Variants in DIP2C observed in about 807,000 individuals in gnomAD.
The protein encoded by DIP2C is disco-interacting protein 2 homolog C.
In DIP2C, 33 loss-of-function variants were observed where a neutral mutation model predicts 192.4. The observed-to-expected ratio is 0.17, with a 90% CI of 0.13 to 0.23. The LOEUF (loss-of-function observed/expected upper bound fraction) is 0.23, where lower values mean the gene tolerates loss of function less well. Among genes scored for constraint, DIP2C ranks in the 10% least tolerant of loss-of-function variants. The pLI, the probability that DIP2C is intolerant of heterozygous loss-of-function variation, is 1.00. For synonymous variants in DIP2C, 979 were observed against 864.1 expected, an observed-to-expected ratio of 1.13 and a Z score of -2.33; for missense variants, 1,537 against 2,110.1, an observed-to-expected ratio of 0.73 and a Z score of 5.32.
intron 5 of DIP2C, 58 bp downstream of exon 5, chr10:422,766 T>C: frequency 6.4e-7 from 1 of 1,552,562 alleles, no homozygotes; most frequent in Non-Finnish European, 8.7e-7. Context: ...ACAGAGAATG[T>C]GCACACACAA....
At chr10:569,122 G>A (rs191139852) in intron 1 of DIP2C, among the ~76,000 whole-genome samples, 2 of 152,314 alleles carry the variant, frequency 1.3e-5, no homozygotes, top group Admixed American at 6.5e-5. Context: ...GCCTTGGCCA[G>A]GGAACCAGAA....
Position 318,119 on chromosome 10 carries a change from G to A in DIP2C, c.3925-8027C>T, listed in dbSNP as rs550193700. 6.2e-4 allele frequency among the ~76,000 whole-genome samples: 94 copies of A among 152,270 alleles called. 1 individual carries two copies. The highest frequency in any genetic ancestry group is 2.0e-3 in the African/African-American group (83 of 41,560). ...CTATGGAGATGCGTAAGGGCAGGAC[G>A]AGAACACAGTGATGCTGGATGGCGA... On this transcript the variant is annotated intron_variant, in intron 31 of 36. Coordinates refer to ENST00000280886, the MANE Select transcript of DIP2C (RefSeq NM_014974.3).
intron 4 of DIP2C, among the ~76,000 whole-genome samples, chr10:428,442 T>A (rs920754768): frequency 1.1e-4 from 17 of 152,170 alleles, no homozygotes; most frequent in Admixed American, 2.0e-4. Context: ...AGCCCTTTCT[T>A]CTCCTTTTAG....
rs1007775365 is a variant in DIP2C, at chr10:296,314, A to C, written c.3987-7893T>G. ...TTTTTGTATAAGCTGTAATCAGAGA[A>C]ATGCAAATCAAAACCACAATGAGAT... On this transcript the variant is annotated intron_variant, in intron 32 of 36. Coordinates refer to ENST00000280886, the MANE Select transcript of DIP2C (RefSeq NM_014974.3). Among the ~76,000 whole-genome samples, 5 of 152,280 alleles carry C rather than the reference A, an allele frequency of 3.3e-5. No individual in the cohort carries two copies. In the East Asian group the frequency reaches 9.6e-4, roughly 29 times the overall value.
chr10:431,237 T>TG (rs1197969702), intron 4 of DIP2C, among the ~76,000 whole-genome samples: 4 of 152,080 alleles, frequency 2.6e-5, no homozygotes, highest in Admixed American at 2.0e-4. Context: ...GTGTTGATAT[T>TG]GAAAAAAAAA....
chr10:333,994 G>A (rs1957626770), intron 29 of DIP2C, among the ~76,000 whole-genome samples: 1 of 152,112 alleles, frequency 6.6e-6, no homozygotes, highest in African/African-American at 2.4e-5. Context: ...TATGTTGCTT[G>A]TTTCTGAGTT....
At position 407,522 on chromosome 10, in the gene DIP2C, G is replaced by A. The variant is rs148247005; in HGVS notation, c.1149+1404C>T. 3.7e-3 allele frequency among the ~76,000 whole-genome samples: 556 copies of A among 152,222 alleles called. 1 individual carries two copies. Among genetic ancestry groups the A allele is most frequent in the Non-Finnish European group, 5.3e-3 (359 of 68,020 alleles). Reference sequence around the variant, plus strand: ...AGGGACTGTCACGTTTTTCGGAGAGGCTGCACCATTTTACACTGTCACCAG... The same window carrying A: ...AGGGACTGTCACGTTTTTCGGAGAGACTGCACCATTTTACACTGTCACCAG... On this transcript the variant is annotated intron_variant, in intron 9 of 36. Coordinates refer to ENST00000280886, the MANE Select transcript of DIP2C (RefSeq NM_014974.3).
chr10:672,039 G>A (rs1360471840), intron 1 of DIP2C, among the ~76,000 whole-genome samples: 2 of 140,304 alleles, frequency 1.4e-5, no homozygotes, highest in African/African-American at 5.4e-5. Flanking sequence ...ACGGAAGGAG[G>A]AAACAGGCCA....
At chr10:446,684 C>T (rs980517774) in intron 3 of DIP2C, among the ~76,000 whole-genome samples, 4 of 152,196 alleles carry the variant, frequency 2.6e-5, no homozygotes, top group African/African-American at 9.6e-5. Flanking sequence ...CGGCTGCCAC[C>T]ATGGAGGAGG....
intron 1 of DIP2C, among the ~76,000 whole-genome samples, chr10:510,868 C>T (rs1210604513): frequency 1.3e-5 from 2 of 152,228 alleles, no homozygotes; most frequent in African/African-American, 4.8e-5. Context: ...TGCATGCTGG[C>T]TGCTCAGAGC....
At chr10:440,013 CAG>C (rs1366570130) in intron 4 of DIP2C, among the ~76,000 whole-genome samples, 1 of 152,156 alleles carries the variant, frequency 6.6e-6, no homozygotes, top group Admixed American at 6.5e-5. Context: ...ATCAAAATCA[CAG>C]AAACTAAACA....
intron 1 of DIP2C, among the ~76,000 whole-genome samples, chr10:655,095 CAT>C (rs961768200): frequency 3.3e-5 from 5 of 152,104 alleles, no homozygotes; most frequent in African/African-American, 1.2e-4. Context: ...TGAGGGTCCC[CAT>C]ACACATGGGG....
intron 1 of DIP2C, among the ~76,000 whole-genome samples, chr10:549,779 C>A (rs78030666): frequency 0.021 from 3,173 of 152,212 alleles, 66 homozygotes; most frequent in Non-Finnish European, 0.031. Flanking sequence ...ATTTATTTAC[C>A]CATAAAATTA....
chr10:544,478 G>A (rs11253096), intron 1 of DIP2C, among the ~76,000 whole-genome samples: 12,794 of 152,220 alleles, frequency 0.084, 654 homozygotes, highest in East Asian at 0.18. Flanking sequence ...GTCGTACAGT[G>A]ATTTTATGCT....
chr10:350,692 G>A (rs1958751868), intron 24 of DIP2C, among the ~76,000 whole-genome samples: 1 of 145,100 alleles, frequency 6.9e-6, no homozygotes. Flanking sequence ...AGGCTGGAGT[G>A]CAGTGGCGCG....
intron 8 of DIP2C, among the ~76,000 whole-genome samples, chr10:409,795 T>C (rs1208883361): frequency 1.3e-5 from 2 of 152,184 alleles, no homozygotes; most frequent in East Asian, 3.9e-4. Context: ...TTAATCACAA[T>C]CCTTGGATTC....
At chr10:335,204 ATTAT>A (rs1564571562) in intron 29 of DIP2C, among the ~76,000 whole-genome samples, 1 of 152,230 alleles carries the variant, frequency 6.6e-6, no homozygotes, top group Non-Finnish European at 1.5e-5. Context: ...GAGGACACAA[ATTAT>A]TTGTGTTACT....
chr10:295,185 A>C (rs1420861773), intron 32 of DIP2C, among the ~76,000 whole-genome samples: 1 of 152,212 alleles, frequency 6.6e-6, no homozygotes, highest in East Asian at 1.9e-4. Flanking sequence ...AGCAGCAGCA[A>C]GGACGGCTCA....
intron 1 of DIP2C, among the ~76,000 whole-genome samples, chr10:565,354 T>TAA (rs59721670): frequency 0.033 from 3,731 of 114,082 alleles, 330 homozygotes; most frequent in African/African-American, 0.12. Flanking sequence ...ACCTGCATTC[T>TAA]AAAAAAAAAA....
Sources: allele counts gnomAD v4.1 joint callset (sites outside exome capture counted in the v4.1 genomes callset), GRCh38; gene constraint gnomAD v4.1.1; transcripts MANE v1.5; gene names NCBI Gene and HGNC (gene_info 2026-07-23, HGNC 2026-07-21).